CNOT4: variants seen among roughly 807,000 people sequenced by gnomAD.
CNOT4 encodes the protein CCR4-NOT transcription complex subunit 4, also known as CCR4-associated factor 4.
CNOT4 carries 8 observed loss-of-function variants against 73.8 expected under a neutral mutation model. The ratio of observed to expected loss-of-function variants is 0.11; its 90% CI spans 0.06 to 0.20. The LOEUF is 0.20. Ranked by LOEUF, CNOT4 falls within the 10% of genes least tolerant of loss-of-function variation. The pLI is 1.00. For synonymous variants in CNOT4, 293 were observed against 321.1 expected (o/e 0.91, Z 0.94); for missense variants, 564 against 883.4 (o/e 0.64, Z 4.58).
At chr7:135,426,615 A>AG (rs1554433155) in intron 2 of CNOT4, among the ~76,000 whole-genome samples, 5 of 150,946 alleles carry the variant, frequency 3.3e-5, no homozygotes, top group South Asian at 2.1e-4. Flanking sequence ...AAAAAAAAAA[A>AG]AAAGAAAGAA....
chr7:135,372,607 A>G (rs929208278), intron 10 of CNOT4, among the ~76,000 whole-genome samples: 1 of 137,910 alleles, frequency 7.3e-6, no homozygotes, highest in Admixed American at 8.1e-5. Context: ...CTCAGCCTGG[A>G]GGGCAATGGT....
chr7:135,453,847 T>TATATATA (rs1554438701), intron 1 of CNOT4, among the ~76,000 whole-genome samples: 22 of 119,340 alleles, frequency 1.8e-4, no homozygotes, highest in Non-Finnish European at 2.9e-4. Flanking sequence ...TATATATATA[T>TATATATA]TATATATATA....
At chr7:135,407,838 A>G (rs1797380064) in intron 7 of CNOT4, among the ~76,000 whole-genome samples, 1 of 152,190 alleles carries the variant, frequency 6.6e-6, no homozygotes, top group Non-Finnish European at 1.5e-5. Context: ...AGTGTCACAG[A>G]ATATAAATTC....
At chr7:135,384,749 C>A (rs531847108) in intron 10 of CNOT4, 3 of 764,592 alleles carry the variant, frequency 3.9e-6, no homozygotes, top group Non-Finnish European at 7.2e-6. Context: ...TATTTAGGTT[C>A]TTCTTCTCCC....
chr7:135,464,142 G>A (rs1283178768), intron 1 of CNOT4, among the ~76,000 whole-genome samples: 1 of 151,768 alleles, frequency 6.6e-6, no homozygotes, highest in Non-Finnish European at 1.5e-5. Flanking sequence ...ATTCCTCAGA[G>A]CCAAAAGCAG....
chr7:135,460,642 T>C (rs1195688040), intron 1 of CNOT4, among the ~76,000 whole-genome samples: 2 of 152,076 alleles, frequency 1.3e-5, no homozygotes. Flanking sequence ...GACATAATAA[T>C]CATTAAAAAG....
chr7:135,469,996 T>C (rs1458767729), intron 1 of CNOT4, among the ~76,000 whole-genome samples: 1 of 152,100 alleles, frequency 6.6e-6, no homozygotes, highest in Non-Finnish European at 1.5e-5. Context: ...TAATTTTTTG[T>C]ATTTTTAGTA....
chr7:135,441,299 A>C (rs1055769062), intron 1 of CNOT4, among the ~76,000 whole-genome samples: 1 of 152,070 alleles, frequency 6.6e-6, no homozygotes, highest in Non-Finnish European at 1.5e-5. Context: ...AATTGTTTTC[A>C]TTTCCTTTAG....
rs189452518 is a variant in CNOT4 at position 135,432,812 on chromosome 7, C to T, written c.174+5346G>A. On this transcript the variant is annotated intron_variant, in intron 2 of 11. Coordinates refer to ENST00000541284, the MANE Select transcript of CNOT4 (RefSeq NM_001190850.2). The stretch of plus-strand genomic sequence containing the variant: ...GTCACACTTAACAGTTGAGCAGATA[C>T]GGAATCCGAAGATGAAAATTAATTT... 4.7e-4 allele frequency among the ~76,000 whole-genome samples: 71 copies of T among 152,316 alleles called. No individual in the cohort carries two copies. The East Asian group carries it at 6.6e-3, about 14-fold the overall frequency.
chr7:135,496,631 CCTCTCTCT>C (rs112838755), intron 1 of CNOT4, among the ~76,000 whole-genome samples: 3 of 148,484 alleles, frequency 2.0e-5, no homozygotes, highest in Non-Finnish European at 3.0e-5. Context: ...TCTTCCTATT[CCTCTCTCT>C]CTCTCTCTCT....
intron 1 of CNOT4, among the ~76,000 whole-genome samples, chr7:135,503,571 G>C (rs1368790494): frequency 6.6e-6 from 1 of 152,094 alleles, no homozygotes; most frequent in Non-Finnish European, 1.5e-5. Flanking sequence ...TTTTGTACTT[G>C]TTTAAAAATA....
chr7:135,424,087 ACAC>A (rs1798358298), intron 2 of CNOT4, among the ~76,000 whole-genome samples: 1 of 124,670 alleles, frequency 8.0e-6, no homozygotes, highest in Non-Finnish European at 1.7e-5. Context: ...ACACACACAC[ACAC>A]ATTTTTTATT....
chr7:135,479,198 A>ATTTTTTTTTT (rs61487024), intron 1 of CNOT4, among the ~76,000 whole-genome samples: 5 of 89,874 alleles, frequency 5.6e-5, no homozygotes, highest in Non-Finnish European at 8.7e-5. Context: ...TTAGAACCAA[A>ATTTTTTTTTT]TTTTTTTTTT....
intron 1 of CNOT4, among the ~76,000 whole-genome samples, chr7:135,478,975 TAAA>T (rs1802173361): frequency 6.6e-6 from 1 of 152,094 alleles, no homozygotes; most frequent in Non-Finnish European, 1.5e-5. Flanking sequence ...CATATCTATT[TAAA>T]AAAATTTTCC....
intron 3 of CNOT4, 128 bp from the exon 4 acceptor site, chr7:135,415,390 G>T: frequency 1.8e-6 from 1 of 554,678 alleles, no homozygotes; most frequent in Non-Finnish European, 3.1e-6. Context: ...TCTAATAAAT[G>T]TCACTACCTC....
At chr7:135,463,130 G>A (rs1383201256) in intron 1 of CNOT4, among the ~76,000 whole-genome samples, 1 of 152,178 alleles carries the variant, frequency 6.6e-6, no homozygotes, top group African/African-American at 2.4e-5. Flanking sequence ...GGTTACTGCA[G>A]CCTTGTAGTA....
intron 1 of CNOT4, among the ~76,000 whole-genome samples, chr7:135,448,740 T>C (rs1352954801): frequency 6.6e-6 from 1 of 151,778 alleles, no homozygotes; most frequent in Non-Finnish European, 1.5e-5. Flanking sequence ...TCTCAGCAAA[T>C]GGACAATATC....
intron 2 of CNOT4, among the ~76,000 whole-genome samples, chr7:135,429,930 GCTGAGACAA>G (rs1241035308): frequency 6.6e-6 from 1 of 152,170 alleles, no homozygotes; most frequent in Admixed American, 6.5e-5. Flanking sequence ...ATTAGAAGAG[GCTGAGACAA>G]CTGAAATTTA....
At chr7:135,475,997 T>C (rs1441032306) in intron 1 of CNOT4, among the ~76,000 whole-genome samples, 1 of 152,184 alleles carries the variant, frequency 6.6e-6, no homozygotes, top group African/African-American at 2.4e-5. Context: ...AGTAAAATAG[T>C]GTAATTTTTC....
Sources: gnomAD v4.1 joint callset for allele counts (sites outside exome capture counted in the v4.1 genomes callset) on GRCh38, gnomAD v4.1.1 for gene constraint, MANE v1.5 for transcripts, NCBI Gene and HGNC (gene_info 2026-07-23, HGNC 2026-07-21) for gene names.